The following RNF212 variants were observed in gnomAD, a reference collection of about 807,000 sequenced individuals.
The protein encoded by RNF212 is probable E3 SUMO-protein ligase RNF212.
Under a neutral mutation model 34.7 loss-of-function variants are expected in RNF212, and 33 were observed. The ratio of observed to expected loss-of-function variants is 0.95; its 90% CI spans 0.72 to 1.27. RNF212 has a LOEUF of 1.27. Among genes scored for constraint, RNF212 ranks in the 50% most tolerant of loss-of-function variants. The pLI, the probability that RNF212 is intolerant of heterozygous loss-of-function variation, is 0.00. For synonymous variants in RNF212, 140 were observed against 136.1 expected (o/e 1.03, Z -0.20); for missense variants, 377 against 362.2 (o/e 1.04, Z -0.33).
intron 2 of RNF212, among the ~76,000 whole-genome samples, chr4:1,098,695 T>G (rs1723442105): frequency 6.6e-6 from 1 of 152,140 alleles, no homozygotes; most frequent in Non-Finnish European, 1.5e-5. Context: ...GTTCTCCACC[T>G]AACTCCACCA....
At chr4:1,076,009 G>T (rs576599140) in intron 8 of RNF212, among the ~76,000 whole-genome samples, 1 of 152,324 alleles carries the variant, frequency 6.6e-6, no homozygotes, top group South Asian at 2.1e-4. Context: ...TTTTGTATTT[G>T]TGAGTCATGA....
At chr4:1,057,004 C>T (rs1333580153) in intron 4 of RNF212, 1 of 987,302 alleles carries the variant, frequency 1.0e-6, no homozygotes, top group African/African-American at 1.7e-5. Context: ...GAGGTGGAAT[C>T]CTAATAAATT....
downstream of RNF212, among the ~76,000 whole-genome samples, chr4:1,068,986 T>C (rs1468256266): frequency 1.3e-5 from 2 of 152,132 alleles, no homozygotes; most frequent in Non-Finnish European, 2.9e-5. Flanking sequence ...GGCAGGTGGA[T>C]TGCCTAAGCT....
chr4:1,104,433 C>G (rs778749225), intron 2 of RNF212, among the ~76,000 whole-genome samples: 1 of 152,152 alleles, frequency 6.6e-6, no homozygotes, highest in Non-Finnish European at 1.5e-5. Context: ...CCCTGTTCTC[C>G]AGGGCTTCTG....
At chr4:1,067,231 A>G (rs200988570), downstream of RNF212, among the ~76,000 whole-genome samples, 1 of 152,258 alleles carries the variant, frequency 6.6e-6, no homozygotes, top group East Asian at 1.9e-4. Flanking sequence ...ATCAGTCTAT[A>G]GCAAAATGGT....
chr4:1,093,913 G>A (rs769551126), intron 3 of RNF212: 11 of 1,536,112 alleles, frequency 7.2e-6, no homozygotes. Flanking sequence ...GGGGATCTCT[G>A]GCTGCTGCTT....
chr4:1,089,875 C>T (rs1347220216), intron 4 of RNF212, among the ~76,000 whole-genome samples: 1 of 152,228 alleles, frequency 6.6e-6, no homozygotes, highest in Non-Finnish European at 1.5e-5. Context: ...CTGAGGCCTT[C>T]CCAGTCATGC....
At chr4:1,084,851 G>A in intron 5 of RNF212, among the ~76,000 whole-genome samples, 1 of 152,026 alleles carries the variant, frequency 6.6e-6, no homozygotes, top group East Asian at 1.9e-4. Context: ...CAAGCCCATG[G>A]CAACTCTTAG....
At chr4:1,060,737 T>C (rs1211673156) in intron 3 of RNF212, among the ~76,000 whole-genome samples, 2 of 152,274 alleles carry the variant, frequency 1.3e-5, no homozygotes, top group African/African-American at 4.8e-5. Context: ...TCCACTGTGC[T>C]GTGTTCTGGA....
chr4:1,099,432 T>C (rs1723580735), intron 2 of RNF212, among the ~76,000 whole-genome samples: 1 of 151,754 alleles, frequency 6.6e-6, no homozygotes, highest in South Asian at 2.1e-4. Flanking sequence ...TCTAAGTGAG[T>C]ATTAACTGTC....
intron 2 of RNF212, among the ~76,000 whole-genome samples, chr4:1,099,131 C>A (rs1723524484): frequency 6.6e-6 from 1 of 152,222 alleles, no homozygotes; most frequent in African/African-American, 2.4e-5. Context: ...AGAACACAGG[C>A]AGCCATTCCT....
intron 2 of RNF212, chr4:1,100,179 C>T: frequency 6.4e-6 from 2 of 314,100 alleles, no homozygotes; most frequent in South Asian, 5.5e-5. Flanking sequence ...GTTTCAGAAT[C>T]GTACCAGGCT....
chr4:1,079,746 C>T (rs1720026010), intron 7 of RNF212, 58 bp from the exon 8 acceptor site: 1 of 1,108,298 alleles, frequency 9.0e-7, no homozygotes. Context: ...CTAACAACGT[C>T]AGTTGAAATA....
intron 1 of RNF212, among the ~76,000 whole-genome samples, chr4:1,109,137 G>C (rs979012586): frequency 6.6e-6 from 1 of 151,230 alleles, no homozygotes; most frequent in African/African-American, 2.4e-5. Context: ...GCTCCCAAGT[G>C]ACTGGGCGTA....
chr4:1,074,877 C>T (rs762023188), intron 8 of RNF212, among the ~76,000 whole-genome samples: 1 of 150,868 alleles, frequency 6.6e-6, no homozygotes, highest in Non-Finnish European at 1.5e-5. Flanking sequence ...CTTCCTTTCA[C>T]CTGCCTGGAG....
chr4:1,112,655 C>T (rs1035093699), intron 1 of RNF212, among the ~76,000 whole-genome samples: 1 of 150,948 alleles, frequency 6.6e-6, no homozygotes, highest in South Asian at 2.1e-4. Flanking sequence ...CCAGAGCCCC[C>T]GACTGACAGG....
intron 5 of RNF212, among the ~76,000 whole-genome samples, chr4:1,085,232 T>A (rs1382070652): frequency 6.6e-6 from 1 of 152,256 alleles, no homozygotes; most frequent in Non-Finnish European, 1.5e-5. Flanking sequence ...GTAACTGAAC[T>A]CTGGCCTGTT....
intron 2 of RNF212, chr4:1,099,813 A>C (rs1023193338): frequency 2.2e-6 from 1 of 456,244 alleles, no homozygotes; most frequent in Admixed American, 2.3e-5. Flanking sequence ...CGAGTCCACA[A>C]GGTCCGACGG....
chr4:1,078,471 T>G (rs1227018790), intron 8 of RNF212, among the ~76,000 whole-genome samples: 1 of 152,238 alleles, frequency 6.6e-6, no homozygotes. Flanking sequence ...GGACTCTCCC[T>G]GAGTTCCGGG....
Sources: allele counts gnomAD v4.1 joint callset (sites outside exome capture counted in the v4.1 genomes callset), GRCh38; gene constraint gnomAD v4.1.1; transcripts MANE v1.5; gene names NCBI Gene and HGNC (gene_info 2026-07-23, HGNC 2026-07-21).